The following NT5C2 variants were observed in gnomAD, a reference collection of about 807,000 sequenced individuals.
NT5C2 encodes the protein cytosolic purine 5'-nucleotidase.
NT5C2 carries 58 observed loss-of-function variants against 76.1 expected under a neutral mutation model. That is an observed-to-expected ratio of 0.76 (90% CI 0.62 to 0.95). NT5C2 has a LOEUF of 0.95. Among genes scored for constraint, NT5C2 ranks in the 40% least tolerant of loss-of-function variants. The pLI, the probability that NT5C2 is intolerant of heterozygous loss-of-function variation, is 0.00. For synonymous variants in NT5C2, 229 were observed against 237.4 expected (o/e 0.96, Z 0.32); for missense variants, 478 against 690.3 (o/e 0.69, Z 3.45).
intron 4 of NT5C2, chr10:103,125,296 T>TAAA: frequency 7.8e-5 from 35 of 448,744 alleles, no homozygotes; most frequent in South Asian, 1.7e-4. Flanking sequence ...TTGTCACAGT[T>TAAA]AAAAAAAAAA....
intron 6 of NT5C2, 109 bp downstream of exon 6, chr10:103,105,597 T>C: frequency 1.3e-6 from 1 of 783,780 alleles, no homozygotes; most frequent in Non-Finnish European, 2.0e-6. Flanking sequence ...GAATTTGCTC[T>C]TTAATGATGA....
intron 4 of NT5C2, among the ~76,000 whole-genome samples, chr10:103,135,218 T>A (rs186928209): frequency 6.6e-6 from 1 of 152,296 alleles, no homozygotes; most frequent in African/African-American, 2.4e-5. Context: ...ATGATATGGT[T>A]TGGCTGTGTC....
intron 4 of NT5C2, among the ~76,000 whole-genome samples, chr10:103,130,583 TAAAA>T (rs5787482): frequency 1.5e-5 from 2 of 137,372 alleles, no homozygotes; most frequent in Non-Finnish European, 1.5e-5. Context: ...AAATAAAAAT[TAAAA>T]AAAAAAAAAA....
chr10:103,096,257 T>C (rs1324754998), intron 11 of NT5C2, among the ~76,000 whole-genome samples: 2 of 152,146 alleles, frequency 1.3e-5, no homozygotes, highest in African/African-American at 2.4e-5. Flanking sequence ...AAGGAGCATA[T>C]GAGGTAGGGG....
chr10:103,155,312 G>A (rs2083146511), intron 3 of NT5C2, among the ~76,000 whole-genome samples: 1 of 152,196 alleles, frequency 6.6e-6, no homozygotes, highest in Non-Finnish European at 1.5e-5. Flanking sequence ...TTTAAAAACT[G>A]ACACTGTGCT....
chr10:103,189,786 A>C (rs2092467816), intron 1 of NT5C2, among the ~76,000 whole-genome samples: 1 of 150,182 alleles, frequency 6.7e-6, no homozygotes, highest in South Asian at 2.1e-4. Flanking sequence ...CTCGTGTCTC[A>C]GCCTCCTGAG....
intron 2 of NT5C2, chr10:103,175,594 C>A: frequency 4.7e-6 from 1 of 211,836 alleles, no homozygotes. Context: ...AAGACGTGAC[C>A]ACCAAGGTTG....
intron 3 of NT5C2, among the ~76,000 whole-genome samples, chr10:103,170,275 A>C (rs1031123819): frequency 5.9e-5 from 9 of 152,224 alleles, no homozygotes; most frequent in African/African-American, 2.2e-4. Context: ...ACACTACTGC[A>C]CTGCAGCCTA....
chr10:103,183,279 A>ATATATATTTTATATATATATATAT (rs1554841737), intron 1 of NT5C2, among the ~76,000 whole-genome samples: 6 of 133,584 alleles, frequency 4.5e-5, no homozygotes, highest in East Asian at 2.1e-4. Context: ...ATATATATAT[A>ATATATATTTTATATATATATATAT]TATATATATA....
intron 3 of NT5C2, among the ~76,000 whole-genome samples, chr10:103,154,042 C>T (rs898182590): frequency 5.9e-5 from 9 of 151,938 alleles, no homozygotes; most frequent in Non-Finnish European, 1.5e-5. Context: ...CCAGAACATT[C>T]TAAAGGTTAA....
intron 3 of NT5C2, among the ~76,000 whole-genome samples, chr10:103,156,212 C>CG (rs1370327328): frequency 1.3e-5 from 2 of 151,932 alleles, no homozygotes; most frequent in Admixed American, 6.6e-5. Flanking sequence ...GGGAGACCTA[C>CG]GGGGGGATAC....
intron 3 of NT5C2, among the ~76,000 whole-genome samples, chr10:103,142,246 C>T (rs2133234928): frequency 6.6e-6 from 1 of 152,194 alleles, no homozygotes; most frequent in East Asian, 1.9e-4. Flanking sequence ...CTTTATCCCG[C>T]ATTTAAGACC....
At chr10:103,191,382 CAA>C (rs768556332) in intron 1 of NT5C2, among the ~76,000 whole-genome samples, 5 of 66,854 alleles carry the variant, frequency 7.5e-5, no homozygotes, top group Admixed American at 3.5e-4. Flanking sequence ...AGCTCCGTCT[CAA>C]AAAAAAAAAA....
chr10:103,169,160 T>C (rs534026693), intron 3 of NT5C2: 70 of 152,216 alleles, frequency 4.6e-4, no homozygotes, highest in African/African-American at 1.5e-3. Context: ...AAAAAAATGA[T>C]AAATGTAAGA....
intron 4 of NT5C2, chr10:103,125,323 T>C (rs2076459103): frequency 2.0e-6 from 1 of 505,840 alleles, no homozygotes; most frequent in Non-Finnish European, 3.7e-6. Flanking sequence ...ACAATGACTT[T>C]GGAGCACAGC....
At chr10:103,106,871 G>A (rs776754778) in intron 4 of NT5C2, among the ~76,000 whole-genome samples, 165 bp from the exon 5 acceptor site, 1 of 151,850 alleles carries the variant, frequency 6.6e-6, no homozygotes, top group Admixed American at 6.6e-5. Context: ...CAAGTAATTA[G>A]AGAACTCAAT....
At chr10:103,101,548 T>G (rs2069670029) in intron 6 of NT5C2, among the ~76,000 whole-genome samples, 1 of 151,558 alleles carries the variant, frequency 6.6e-6, no homozygotes, top group South Asian at 2.1e-4. Context: ...CTTGCTATTT[T>G]AAGTCCAGGC....
At chr10:103,144,262 A>G (rs1242447056) in intron 3 of NT5C2, among the ~76,000 whole-genome samples, 1 of 152,246 alleles carries the variant, frequency 6.6e-6, no homozygotes, top group Non-Finnish European at 1.5e-5. Context: ...TGGGAATACA[A>G]GCAGGAATGG....
chr10:103,093,104 A>G (rs778898343), intron 15 of NT5C2, 35 bp downstream of exon 15: 1 of 1,487,826 alleles, frequency 6.7e-7, no homozygotes, highest in Non-Finnish European at 9.0e-7. Flanking sequence ...GGTCATTTAG[A>G]TATAAATTAC....
Sources: gnomAD v4.1 joint callset for allele counts (sites outside exome capture counted in the v4.1 genomes callset) on GRCh38, gnomAD v4.1.1 for gene constraint, MANE v1.5 for transcripts, NCBI Gene and HGNC (gene_info 2026-07-23, HGNC 2026-07-21) for gene names.